The following GPC4 variants were observed in gnomAD, a reference collection of about 807,000 sequenced individuals.
GPC4 encodes glypican 4.
Under a neutral mutation model 35.0 loss-of-function variants are expected in GPC4, and 10 were observed. The ratio of observed to expected loss-of-function variants is 0.29; its 90% CI spans 0.18 to 0.48. GPC4 has a LOEUF of 0.48. Ranked by LOEUF, GPC4 falls within the 20% of genes least tolerant of loss-of-function variation. GPC4 has a pLI of 0.99. For synonymous variants in GPC4, 167 were observed against 170.2 expected, an observed-to-expected ratio of 0.98 and a Z score of 0.15; for missense variants, 322 against 451.3, an observed-to-expected ratio of 0.71 and a Z score of 2.60.
chrX:133,361,410 T>A (rs1195560308), intron 1 of GPC4, among the ~76,000 whole-genome samples: 1 of 111,447 alleles, frequency 9.0e-6, no homozygotes, highest in Non-Finnish European at 1.9e-5. Flanking sequence ...TAAGTAAACA[T>A]GAAAATAGGG....
At chrX:133,413,620 T>G (rs2068822265) in intron 1 of GPC4, among the ~76,000 whole-genome samples, 1 of 83,470 alleles carries the variant, frequency 1.2e-5, no homozygotes, top group Non-Finnish European at 2.2e-5. Flanking sequence ...AGGTTCGGAG[T>G]GGAGGCTCAG....
At chrX:133,386,554 A>G (rs1415525864) in intron 1 of GPC4, among the ~76,000 whole-genome samples, 9 of 111,684 alleles carry the variant, frequency 8.1e-5, no homozygotes, top group Non-Finnish European at 1.5e-4. Context: ...AATGGGAGGC[A>G]GGTGCATATT....
At chrX:133,340,673 G>A (rs777356329) in intron 1 of GPC4, among the ~76,000 whole-genome samples, 1 of 112,448 alleles carries the variant, frequency 8.9e-6, no homozygotes, top group South Asian at 3.7e-4. Flanking sequence ...ACCTAATGGA[G>A]ATATCAAAGC....
At chrX:133,317,975 T>C (rs1228418506) in intron 3 of GPC4, among the ~76,000 whole-genome samples, 2 of 112,279 alleles carry the variant, frequency 1.8e-5, no homozygotes, top group Non-Finnish European at 3.8e-5. Flanking sequence ...GTAGATAAAA[T>C]TGAAGCTTCA....
At chrX:133,395,101 T>C (rs748269791) in intron 1 of GPC4, among the ~76,000 whole-genome samples, 1 of 111,676 alleles carries the variant, frequency 9.0e-6, no homozygotes, top group East Asian at 2.8e-4. Context: ...CCTTTCAAAA[T>C]TCTTTACTCC....
intron 1 of GPC4, among the ~76,000 whole-genome samples, chrX:133,399,367 C>G (rs2068758687): frequency 9.0e-6 from 1 of 111,636 alleles, no homozygotes; most frequent in African/African-American, 3.3e-5. Flanking sequence ...ATGATGGCCA[C>G]AGTATTGTAA....
intron 1 of GPC4, among the ~76,000 whole-genome samples, chrX:133,413,636 C>A (rs778873070): frequency 2.4e-4 from 27 of 110,687 alleles, no homozygotes; most frequent in East Asian, 1.4e-3. Flanking sequence ...CTCAGCCCCC[C>A]CCCCGGGCTC....
chrX:133,303,558 C>G (rs1603053595), intron 7 of GPC4, among the ~76,000 whole-genome samples: 2 of 111,628 alleles, frequency 1.8e-5, no homozygotes, highest in East Asian at 5.6e-4. Flanking sequence ...CCTGTGGATT[C>G]CTCATTTCTC....
At chrX:133,312,696 AG>A (rs1271574726) in intron 3 of GPC4, among the ~76,000 whole-genome samples, 1 of 76,856 alleles carries the variant, frequency 1.3e-5, no homozygotes, top group Non-Finnish European at 2.2e-5. Flanking sequence ...AAAGAAAGAA[AG>A]GAAGAAAGGA....
In GPC4 at chrX:133,301,687, A is replaced by G. The variant is rs1038221879; in HGVS notation, c.*1180T>C. ...TGAACCATGGCAAGTCCTTTGTTTT[A>G]CTGATAAGAGGGGGCTAGGTAAGAA... On this transcript the variant is annotated 3_prime_UTR_variant, in exon 9 of 9. Transcript: ENST00000370828. 1.8e-5 allele frequency: 2 copies of G among 112,500 alleles called. No homozygotes were observed. The highest frequency in any genetic ancestry group is 5.6e-4 in the East Asian group (2 of 3,572). The allele number at this position is 112,500 out of a possible 1,213,427, so 9.3% of individuals were successfully genotyped here.
chrX:133,414,238 G>A (rs751838804), intron 1 of GPC4, among the ~76,000 whole-genome samples: 2 of 110,087 alleles, frequency 1.8e-5, no homozygotes, highest in African/African-American at 3.3e-5. Flanking sequence ...CTTGTCAGCG[G>A]TGCAAGAGAG....
chrX:133,307,399 G>A (rs1386799439), intron 4 of GPC4, among the ~76,000 whole-genome samples: 1 of 112,078 alleles, frequency 8.9e-6, no homozygotes, highest in Non-Finnish European at 1.9e-5. Context: ...TTTAATGCAC[G>A]GGGTCATTTC....
chrX:133,318,756 T>C (rs1364334960), intron 3 of GPC4, among the ~76,000 whole-genome samples: 4 of 112,424 alleles, frequency 3.6e-5, no homozygotes, highest in East Asian at 2.8e-4. Context: ...AAGAAATGTA[T>C]CATGAACCAT....
rs758852903 is a variant in GPC4 at position 133,335,444 on chromosome X, AAC to A, written c.319+3737_319+3738del. On this transcript the variant is annotated intron_variant, in intron 2 of 8. Coordinates refer to ENST00000370828, the MANE Select transcript of GPC4 (RefSeq NM_001448.3). ...TTCTCTTGTACGTCACCCAAATCCG[AAC>A]ACACACACACATACACACACACACA... is the stretch of plus-strand genomic sequence containing the variant. Among the ~76,000 whole-genome samples the A allele has an allele frequency of 1.4e-3, 158 of 110,875 alleles. 3 individuals are homozygous for A. In the South Asian group the frequency reaches 0.058, roughly 41 times the overall value.
rs1480899390 is a variant in GPC4 at position 133,300,373 on chromosome X, C to G, written c.*2494G>C. 1 of 112,163 alleles carries G rather than the reference C, an allele frequency of 8.9e-6. No homozygotes were observed. Among genetic ancestry groups the G allele is most frequent in the African/African-American group, 3.2e-5 (1 of 30,901 alleles). The allele number at this position is 112,163 out of a possible 1,213,427, so 9.2% of individuals were successfully genotyped here. On this transcript the variant is annotated 3_prime_UTR_variant, in exon 9 of 9. Coordinates refer to ENST00000370828, the MANE Select transcript of GPC4 (RefSeq NM_001448.3). ...TAAATGACTTTGTAAAACACAAGCC[C>G]TTCACATGCTGTTAACTTTGGAAAA... is the stretch of plus-strand genomic sequence containing the variant.
At chrX:133,312,403 G>A (rs987482995) in intron 3 of GPC4, among the ~76,000 whole-genome samples, 3 of 110,590 alleles carry the variant, frequency 2.7e-5, no homozygotes, top group Non-Finnish European at 5.7e-5. Context: ...GGCCGAAGTG[G>A]GCGGATCACA....
intron 3 of GPC4, among the ~76,000 whole-genome samples, chrX:133,322,386 G>A (rs2068369329): frequency 9.3e-6 from 1 of 107,576 alleles, no homozygotes; most frequent in Non-Finnish European, 1.9e-5. Flanking sequence ...GGAGGTTGCG[G>A]TGAGCAGAGA....
At chrX:133,409,549 G>A (rs1603101748) in intron 1 of GPC4, among the ~76,000 whole-genome samples, 1 of 110,776 alleles carries the variant, frequency 9.0e-6, no homozygotes, top group Non-Finnish European at 1.9e-5. Flanking sequence ...CAGACAAGAC[G>A]AGGAGTTGTC....
chrX:133,331,792 A>G (rs1713653036), intron 2 of GPC4, among the ~76,000 whole-genome samples: 1 of 110,552 alleles, frequency 9.0e-6, no homozygotes, highest in East Asian at 2.8e-4. Flanking sequence ...ATGAAATAGC[A>G]AATCATTATG....
Sources: gnomAD v4.1 joint callset for allele counts (sites outside exome capture counted in the v4.1 genomes callset) on GRCh38, gnomAD v4.1.1 for gene constraint, MANE v1.5 for transcripts, NCBI Gene and HGNC (gene_info 2026-07-23, HGNC 2026-07-21) for gene names.